The following ARHGAP39 variants were observed in gnomAD, a reference collection of about 807,000 sequenced individuals.
ARHGAP39 encodes rho GTPase-activating protein 39.
Under a neutral mutation model 106.9 loss-of-function variants are expected in ARHGAP39, and 44 were observed. That is an observed-to-expected ratio of 0.41 (90% confidence interval 0.32 to 0.53). The LOEUF (loss-of-function observed/expected upper bound fraction) is 0.53. Among genes scored for constraint, ARHGAP39 ranks in the 20% least tolerant of loss-of-function variants. The pLI is 0.21. For missense variants in ARHGAP39, 1,496 were observed against 1,577.3 expected, an observed-to-expected ratio of 0.95 and a Z score of 0.87; for synonymous variants, 768 against 693.2, an observed-to-expected ratio of 1.11 and a Z score of -1.69.
At chr8:144,600,406 G>A (rs1391532538) in intron 2 of ARHGAP39, among the ~76,000 whole-genome samples, 2 of 148,676 alleles carry the variant, frequency 1.3e-5, no homozygotes, top group African/African-American at 2.6e-5. Flanking sequence ...GCGTGTGTGT[G>A]CACTTGTGTA....
At chr8:144,693,619 C>T in the ARHGAP39 span, among the ~76,000 whole-genome samples, 40 of 151,752 alleles carry the variant, frequency 2.6e-4, 2 homozygotes, top group Admixed American at 2.0e-4. Flanking sequence ...GTGATCCACC[C>T]GCCTCGGCCT....
chr8:144,560,687 C>G (rs1818109279), intron 3 of ARHGAP39, among the ~76,000 whole-genome samples: 1 of 152,188 alleles, frequency 6.6e-6, no homozygotes, highest in African/African-American at 2.4e-5. Flanking sequence ...TCTCGAGGAC[C>G]AGCGGTGCGC....
intron 6 of ARHGAP39, among the ~76,000 whole-genome samples, chr8:144,538,379 G>C (rs1028691458): frequency 2.2e-4 from 33 of 152,210 alleles, no homozygotes; most frequent in African/African-American, 7.5e-4. Context: ...GTGAGGTACC[G>C]TCTCCTCCTC....
intron 1 of ARHGAP39, among the ~76,000 whole-genome samples, chr8:144,656,993 T>C (rs1369962748): frequency 6.6e-6 from 1 of 152,076 alleles, no homozygotes; most frequent in African/African-American, 2.4e-5. Context: ...TGTATCTATT[T>C]AATAAATTGA....
At chr8:144,592,162 C>T (rs1028991117) in intron 2 of ARHGAP39, among the ~76,000 whole-genome samples, 2 of 152,176 alleles carry the variant, frequency 1.3e-5, no homozygotes, top group East Asian at 3.8e-4. Context: ...CATTTTGTTC[C>T]CTTTTCAGTG....
chr8:144,691,096 G>A, the ARHGAP39 span, among the ~76,000 whole-genome samples: 2 of 152,114 alleles, frequency 1.3e-5, no homozygotes, highest in African/African-American at 4.8e-5. Flanking sequence ...TCTTCTCCCC[G>A]AGTCTCACCT....
chr8:144,597,880 A>G lies in ARHGAP39; in HGVS notation c.80+7655T>C, dbSNP rs117611586. ...AGACCATAATCCAGGCTCAGTCAAC[A>G]TGCAACGGTACCCGGAACAGACAGG... On this transcript the variant is annotated intron_variant, in intron 2 of 11. Transcript: ENST00000377307. Among the ~76,000 whole-genome samples, 681 of 152,336 alleles carry G rather than the reference A, an allele frequency of 4.5e-3. 2 individuals carry two copies. Among genetic ancestry groups the G allele is most frequent in the Admixed American group, 7.3e-3 (111 of 15,296 alleles).
At position 144,548,435 on chromosome 8, in the gene ARHGAP39, G is replaced by A. The variant is rs761101090; in HGVS notation, c.651C>T (p.Val217=). 1.9e-6 allele frequency: 3 copies of A among 1,610,782 alleles called. No individual in the cohort carries two copies. The highest frequency in any genetic ancestry group is 2.5e-6 in the Non-Finnish European group (3 of 1,179,656). ...CGAGGAAGCTGGGCTCCCGATCAGC[G>A]ACCTTGATGAGCATGCGCTCTTTGG... ...SGAKERMLIK[V]ADREPSFLAA... The change falls in exon 5 of 12, where the codon GTC becomes GTT. Residue 217 remains valine (V), a synonymous_variant. Coordinates refer to ENST00000377307, the MANE Select transcript of ARHGAP39 (RefSeq NM_025251.3). This position sits in a 1 kb window ranked among gnomAD's most constrained non-coding sequence, Gnocchi z 7.4.
chr8:144,555,994 T>C (rs1310185042), intron 3 of ARHGAP39, among the ~76,000 whole-genome samples: 2 of 152,112 alleles, frequency 1.3e-5, no homozygotes, highest in African/African-American at 2.4e-5. Context: ...TGGCTAGAAA[T>C]AGCCTTGGAG....
intron 6 of ARHGAP39, among the ~76,000 whole-genome samples, chr8:144,539,047 C>T (rs960568027): frequency 4.6e-5 from 7 of 151,996 alleles, no homozygotes; most frequent in Non-Finnish European, 7.4e-5. Flanking sequence ...GTATATGCCC[C>T]GCACCAGCCC....
chr8:144,553,229 G>C (rs1236899287), intron 4 of ARHGAP39, among the ~76,000 whole-genome samples: 2 of 152,200 alleles, frequency 1.3e-5, no homozygotes, highest in African/African-American at 2.4e-5. Context: ...TAGCACCGCT[G>C]TAATTGTGCC....
chr8:144,637,537 G>C (rs1478893520), intron 1 of ARHGAP39, among the ~76,000 whole-genome samples: 2 of 152,168 alleles, frequency 1.3e-5, no homozygotes, highest in African/African-American at 4.8e-5. Flanking sequence ...TTCAACCCGG[G>C]AGGCAGAGGT....
At chr8:144,572,995 C>T (rs1216447109) in intron 3 of ARHGAP39, among the ~76,000 whole-genome samples, 1 of 151,854 alleles carries the variant, frequency 6.6e-6, no homozygotes, top group Non-Finnish European at 1.5e-5. Context: ...GGATGTCCCA[C>T]TGTTGGTGGG....
intron 1 of ARHGAP39, among the ~76,000 whole-genome samples, chr8:144,666,858 G>A (rs111963661): frequency 0.021 from 3,165 of 152,188 alleles, 101 homozygotes; most frequent in African/African-American, 0.073. Flanking sequence ...TGTTCAAAGC[G>A]ACCCAAACAG....
chr8:144,683,726 T>C (rs1375164859), intron 1 of ARHGAP39, among the ~76,000 whole-genome samples: 1 of 152,162 alleles, frequency 6.6e-6, no homozygotes, highest in African/African-American at 2.4e-5. Flanking sequence ...CTTTTACCTT[T>C]ATAAACATGT....
chr8:144,666,516 C>G (rs1436969969), intron 1 of ARHGAP39, among the ~76,000 whole-genome samples: 1 of 152,120 alleles, frequency 6.6e-6, no homozygotes, highest in East Asian at 1.9e-4. Flanking sequence ...GGGGGAGGTA[C>G]TCGAATCATG....
the ARHGAP39 span, among the ~76,000 whole-genome samples, chr8:144,693,922 G>C: frequency 2.0e-5 from 3 of 152,188 alleles, no homozygotes; most frequent in Admixed American, 6.5e-5. Flanking sequence ...CAGGCAAAGG[G>C]GGGAGGGAGA....
chr8:144,615,447 A>G (rs1244720904), intron 1 of ARHGAP39, among the ~76,000 whole-genome samples: 1 of 152,078 alleles, frequency 6.6e-6, no homozygotes, highest in Non-Finnish European at 1.5e-5. Flanking sequence ...TTCTTTTAAA[A>G]TACTCATCAA....
At chr8:144,573,643 G>T (rs931889951) in intron 3 of ARHGAP39, among the ~76,000 whole-genome samples, 2 of 152,064 alleles carry the variant, frequency 1.3e-5, no homozygotes, top group Non-Finnish European at 2.9e-5. Context: ...TTACATAATA[G>T]ATTTCATTTA....
Sources: gnomAD v4.1 joint callset for allele counts (sites outside exome capture counted in the v4.1 genomes callset) on GRCh38, gnomAD v4.1.1 for gene constraint, Gnocchi (gnomAD v3.1) non-coding constraint, MANE v1.5 for transcripts, NCBI Gene and HGNC (gene_info 2026-07-23, HGNC 2026-07-21) for gene names.